The following DLGAP2 variants were observed in gnomAD, a reference collection of about 807,000 sequenced individuals.
DLGAP2 encodes DLG associated protein 2, also known as disks large-associated protein 2.
A neutral mutation model predicts 100.3 loss-of-function variants in DLGAP2; 26 were observed. The observed-to-expected ratio is 0.26, with a 90% confidence interval of 0.19 to 0.36. The LOEUF (loss-of-function observed/expected upper bound fraction) is 0.36, where lower values mean the gene tolerates loss of function less well. DLGAP2 is among the 10% of genes least tolerant of loss of function. DLGAP2 has a pLI of 1.00. For missense variants in DLGAP2, 1,858 were observed against 1,453.2 expected, an observed-to-expected ratio of 1.28 and a Z score of -4.53; for synonymous variants, 886 against 630.1, an observed-to-expected ratio of 1.41 and a Z score of -6.08.
At chr8:1,662,775 GGTGT>G (rs1043468389) in intron 8 of DLGAP2, among the ~76,000 whole-genome samples, 5 of 152,264 alleles carry the variant, frequency 3.3e-5, no homozygotes, top group African/African-American at 1.2e-4. Flanking sequence ...GTGAGTGTGG[GGTGT>G]GTGTGTACAC....
At chr8:879,036 T>C (rs1001101085) in intron 1 of DLGAP2, among the ~76,000 whole-genome samples, 53 of 152,228 alleles carry the variant, frequency 3.5e-4, no homozygotes, top group African/African-American at 1.1e-3. Flanking sequence ...AATATCCTAA[T>C]TGGCCAAAAC....
chr8:1,108,105 A>G (rs1804835309), intron 2 of DLGAP2, among the ~76,000 whole-genome samples: 1 of 152,150 alleles, frequency 6.6e-6, no homozygotes, highest in African/African-American at 2.4e-5. Flanking sequence ...TTTTCCAACC[A>G]TGTGAAAGGA....
Position 1,633,036 on chromosome 8 carries a change from G to T in DLGAP2, c.1800G>T (p.Arg600Ser), listed in dbSNP as rs1241119311. Residue 600 changes from arginine (R) to serine (S), a missense_variant, in exon 8 of 15, where the codon AGG (arginine) becomes AGT (serine). Transcript: ENST00000637795. Reference protein sequence around the residue: ...MTPSDITSTIRSTAAVSYTNY... With the variant: ...MTPSDITSTISSTAAVSYTNY... ...CCTCTGACATCACCTCCACCATCAG[G>T]TCAACAGCAGGTAAGGGGACGCCAT... 2.0e-5 allele frequency: 32 copies of T among 1,613,826 alleles called. No homozygotes were observed. The highest frequency in any genetic ancestry group is 2.6e-5 in the Non-Finnish European group (31 of 1,179,892).
intron 2 of DLGAP2, among the ~76,000 whole-genome samples, chr8:975,863 G>C (rs774080848): frequency 1.2e-4 from 18 of 152,158 alleles, no homozygotes; most frequent in Non-Finnish European, 2.4e-4. Context: ...AATGCAATGA[G>C]ACAGGAAAAG....
chr8:1,543,907 C>CTTT (rs544818739), intron 4 of DLGAP2, among the ~76,000 whole-genome samples: 8 of 145,962 alleles, frequency 5.5e-5, no homozygotes, highest in Non-Finnish European at 7.6e-5. Context: ...TCCTTTTTTT[C>CTTT]TTTTTTTTTT....
chr8:1,086,651 A>G (rs1322084470), intron 2 of DLGAP2, among the ~76,000 whole-genome samples: 1 of 152,202 alleles, frequency 6.6e-6, no homozygotes, highest in Non-Finnish European at 1.5e-5. Context: ...AAGCTGTAAA[A>G]AGAAATGAAG....
chr8:986,985 A>G (rs568073596), intron 2 of DLGAP2, among the ~76,000 whole-genome samples: 1 of 152,328 alleles, frequency 6.6e-6, no homozygotes, highest in East Asian at 1.9e-4. Flanking sequence ...ATGTGGTATC[A>G]TTTAATGTAT....
intron 3 of DLGAP2, among the ~76,000 whole-genome samples, chr8:1,378,376 C>T (rs1796011326): frequency 6.6e-6 from 1 of 151,570 alleles, no homozygotes; most frequent in Admixed American, 6.6e-5. Flanking sequence ...ACACACCTGA[C>T]CTCACCTGTC....
intron 3 of DLGAP2, among the ~76,000 whole-genome samples, chr8:1,459,271 T>C (rs1346568312): frequency 7.3e-6 from 1 of 137,406 alleles, no homozygotes; most frequent in Non-Finnish European, 1.6e-5. Flanking sequence ...TTTACATGCA[T>C]ATACCTGAGG....
intron 1 of DLGAP2, among the ~76,000 whole-genome samples, chr8:893,828 G>A (rs976465641): frequency 2.3e-4 from 35 of 152,214 alleles, no homozygotes; most frequent in Non-Finnish European, 3.8e-4. Flanking sequence ...GACCCCCTTC[G>A]GCCAGCAGCA....
At chr8:1,006,027 A>G (rs1365911953) in intron 2 of DLGAP2, among the ~76,000 whole-genome samples, 1 of 152,050 alleles carries the variant, frequency 6.6e-6, no homozygotes, top group Admixed American at 6.5e-5. Flanking sequence ...TGTCTCTACT[A>G]AAAATACAAA....
At chr8:1,440,817 C>G (rs1263422835) in intron 3 of DLGAP2, among the ~76,000 whole-genome samples, 1 of 152,174 alleles carries the variant, frequency 6.6e-6, no homozygotes, top group Admixed American at 6.6e-5. Context: ...ACAAATGGCT[C>G]TTTTTATATT....
At chr8:856,185 CTT>C (rs71223338) in intron 1 of DLGAP2, among the ~76,000 whole-genome samples, 2 of 130,558 alleles carry the variant, frequency 1.5e-5, no homozygotes, top group African/African-American at 2.8e-5. Flanking sequence ...TCTTCTTCTT[CTT>C]TTTTTTTTTT....
intron 3 of DLGAP2, among the ~76,000 whole-genome samples, chr8:1,468,478 G>A (rs1389848062): frequency 6.6e-6 from 1 of 151,900 alleles, no homozygotes; most frequent in East Asian, 1.9e-4. Flanking sequence ...CACATCGCAT[G>A]GATCCGGGCT....
At chr8:999,372 T>A in intron 2 of DLGAP2, among the ~76,000 whole-genome samples, 1 of 152,074 alleles carries the variant, frequency 6.6e-6, no homozygotes, top group East Asian at 1.9e-4. Context: ...TTGTTGAATT[T>A]AAGGTGATTA....
intron 3 of DLGAP2, among the ~76,000 whole-genome samples, chr8:1,325,905 C>G (rs1202395055): frequency 1.3e-5 from 2 of 152,158 alleles, no homozygotes; most frequent in East Asian, 1.9e-4. Flanking sequence ...ATTTTGTAAT[C>G]TTTATTGTAG....
chr8:1,119,446 C>G (rs149404009), intron 2 of DLGAP2, among the ~76,000 whole-genome samples: 6 of 152,198 alleles, frequency 3.9e-5, no homozygotes, highest in African/African-American at 1.4e-4. Context: ...AAGAACATTG[C>G]TTAACTTCTG....
At chr8:1,648,571 C>T (rs537658739) in intron 8 of DLGAP2, among the ~76,000 whole-genome samples, 10 of 152,162 alleles carry the variant, frequency 6.6e-5, no homozygotes, top group African/African-American at 1.2e-4. Flanking sequence ...TGGTCCCCTC[C>T]GGCTGTTATG....
chr8:1,233,642 C>G (rs1563268852), intron 2 of DLGAP2, among the ~76,000 whole-genome samples: 2 of 152,092 alleles, frequency 1.3e-5, no homozygotes, highest in Non-Finnish European at 2.9e-5. Flanking sequence ...GCAAGACTTG[C>G]TAAGCTTCGT....
Sources: allele counts gnomAD v4.1 joint callset (sites outside exome capture counted in the v4.1 genomes callset), GRCh38; gene constraint gnomAD v4.1.1; transcripts MANE v1.5; gene names NCBI Gene and HGNC (gene_info 2026-07-23, HGNC 2026-07-21).